The following FANCC variants were observed in gnomAD, a reference collection of about 807,000 sequenced individuals.
FANCC encodes Fanconi anemia group C protein.
In FANCC, 55 loss-of-function variants were observed where a neutral mutation model predicts 71.3. The ratio of observed to expected loss-of-function variants is 0.77; its 90% CI spans 0.62 to 0.97. The LOEUF (loss-of-function observed/expected upper bound fraction) is 0.97, where lower values mean the gene tolerates loss of function less well. FANCC is among the 50% of genes least tolerant of loss of function. The pLI, the probability that FANCC is intolerant of heterozygous loss-of-function variation, is 0.00. For synonymous variants in FANCC, 275 were observed against 244.9 expected (o/e 1.12, Z -1.15); for missense variants, 678 against 670.9 (o/e 1.01, Z -0.12).
chr9:95,110,452 G>GAA, intron 13 of FANCC: 1 of 1,028,082 alleles, frequency 9.7e-7, no homozygotes, highest in Non-Finnish European at 1.2e-6. Flanking sequence ...TTTTAAAGGG[G>GAA]AAGAAATAAA....
intron 1 of FANCC, among the ~76,000 whole-genome samples, chr9:95,289,048 C>G (rs1833856811): frequency 6.6e-6 from 1 of 152,060 alleles, no homozygotes; most frequent in South Asian, 2.1e-4. Flanking sequence ...CTGCAATGAG[C>G]TACGGATCAT....
At chr9:95,188,764 C>T (rs1826893531) in intron 4 of FANCC, among the ~76,000 whole-genome samples, 1 of 152,124 alleles carries the variant, frequency 6.6e-6, no homozygotes, top group African/African-American at 2.4e-5. Flanking sequence ...ATGTCCACTC[C>T]TCCCGAACCC....
chr9:95,188,874 C>CA (rs2135724498), intron 4 of FANCC, among the ~76,000 whole-genome samples: 2 of 152,266 alleles, frequency 1.3e-5, no homozygotes, highest in South Asian at 4.1e-4. Flanking sequence ...TCTGCATACT[C>CA]AAACTTACAG....
Position 95,216,956 on chromosome 9 carries a change from G to A in FANCC, c.345+23693C>T, listed in dbSNP as rs1017806315. 7.9e-5 allele frequency among the ~76,000 whole-genome samples: 12 copies of A among 152,132 alleles called. No individual in the cohort carries two copies. In the South Asian group the frequency reaches 1.9e-3, roughly 24 times the overall value. On this transcript the variant is annotated intron_variant, in intron 4 of 14. Transcript: ENST00000289081. ...AAATCTCAGACCGGCCACAGTCTTC[G>A]ATAATTATCAACCATCTTAACCCAA...
chr9:95,103,451 CCAG>C (rs1002513744), intron 14 of FANCC, among the ~76,000 whole-genome samples: 3 of 152,180 alleles, frequency 2.0e-5, no homozygotes, highest in Non-Finnish European at 4.4e-5. Flanking sequence ...TTGCTGTGGC[CCAG>C]CAGCAGGAGG....
chr9:95,160,879 G>A (rs1431669165), intron 6 of FANCC, among the ~76,000 whole-genome samples: 1 of 152,164 alleles, frequency 6.6e-6, no homozygotes, highest in African/African-American at 2.4e-5. Context: ...CACTGATTTT[G>A]TATCCTGAGA....
At chr9:95,163,913 T>A (rs1450198784) in intron 6 of FANCC, among the ~76,000 whole-genome samples, 1 of 152,208 alleles carries the variant, frequency 6.6e-6, no homozygotes, top group Non-Finnish European at 1.5e-5. Context: ...ACATGGGATA[T>A]CTTTTTATTT....
intron 1 of FANCC, among the ~76,000 whole-genome samples, chr9:95,250,319 A>C (rs186202884): frequency 6.6e-6 from 1 of 152,352 alleles, no homozygotes; most frequent in East Asian, 1.9e-4. Flanking sequence ...GTGGTAAATA[A>C]AGTGAGTTTA....
intron 13 of FANCC, 37 bp from the exon 14 acceptor site, chr9:95,107,306 G>A (rs1263555302): frequency 1.9e-6 from 3 of 1,598,098 alleles, no homozygotes; most frequent in African/African-American, 2.7e-5. Context: ...AGGTTAGGAA[G>A]AGGCAGGACA....
rs559317873 is a variant in FANCC, at chr9:95,152,730, T to A, written c.522-2643A>T. 5.3e-5 allele frequency among the ~76,000 whole-genome samples: 8 copies of A among 152,294 alleles called. No homozygotes were observed. The East Asian group carries it at 1.5e-3, about 29-fold the overall frequency. On this transcript the variant is annotated intron_variant, in intron 6 of 14. Coordinates refer to ENST00000289081, the MANE Select transcript of FANCC (RefSeq NM_000136.3). ...TGGTAAATTCTGAGATTTTAATGCA[T>A]CCATCACCCGAGTAGACTGCACCTA...
chr9:95,293,538 G>T (rs1328293385), intron 1 of FANCC: 1 of 1,609,348 alleles, frequency 6.2e-7, no homozygotes, highest in East Asian at 2.2e-5. Flanking sequence ...ACAAGAACTA[G>T]GGAACACATG....
At chr9:95,216,941 C>T (rs763865295) in intron 4 of FANCC, among the ~76,000 whole-genome samples, 5 of 152,172 alleles carry the variant, frequency 3.3e-5, no homozygotes, top group Non-Finnish European at 7.3e-5. Flanking sequence ...AAATCTCAGA[C>T]CGGCCACAGT....
chr9:95,165,497 C>A (rs927477113), intron 6 of FANCC, among the ~76,000 whole-genome samples: 1 of 151,866 alleles, frequency 6.6e-6, no homozygotes, highest in African/African-American at 2.4e-5. Context: ...TTTTCATTTT[C>A]ATTTGTCTCA....
chr9:95,227,675 C>G (rs548300497), intron 4 of FANCC, among the ~76,000 whole-genome samples: 1 of 152,304 alleles, frequency 6.6e-6, no homozygotes, highest in African/African-American at 2.4e-5. Context: ...CCCCAGCCCC[C>G]ATTTAAACCC....
intron 1 of FANCC, among the ~76,000 whole-genome samples, chr9:95,295,006 T>C (rs1834283860): frequency 6.6e-6 from 1 of 152,140 alleles, no homozygotes; most frequent in African/African-American, 2.4e-5. Context: ...AAGTTTGAGA[T>C]GTTGATCTAA....
In FANCC at chr9:95,207,368, CAAG is replaced by C. The variant is rs553665193; in HGVS notation, c.345+33278_345+33280del. On this transcript the variant is annotated intron_variant, in intron 4 of 14. Coordinates refer to ENST00000289081, the MANE Select transcript of FANCC (RefSeq NM_000136.3). ...ACTTCCATCTCTGTAGTGCTCCTGCCAAGAAGAAACCTTTCATCTGGAGGACAG... is the reference window on the plus strand; with the variant it reads ...ACTTCCATCTCTGTAGTGCTCCTGCCAAGAAACCTTTCATCTGGAGGACAG... Among the ~76,000 whole-genome samples, 1,021 of 152,268 alleles carry C rather than the reference CAAG, an allele frequency of 6.7e-3. 5 individuals carry two copies. The highest frequency in any genetic ancestry group is 0.011 in the Non-Finnish European group (752 of 68,014).
intron 4 of FANCC, among the ~76,000 whole-genome samples, chr9:95,239,150 C>T (rs1588334733): frequency 6.6e-6 from 1 of 152,250 alleles, no homozygotes; most frequent in East Asian, 1.9e-4. Flanking sequence ...CGTCACCTGC[C>T]CCAGGAAATG....
chr9:95,291,967 A>AAAAAAATATATAT (rs1441757988), intron 1 of FANCC, among the ~76,000 whole-genome samples: 2 of 50,410 alleles, frequency 4.0e-5, no homozygotes, highest in African/African-American at 1.6e-4. Context: ...AAAAAAAAAA[A>AAAAAAATATATAT]ATATATATAT....
At chr9:95,179,899 CT>C (rs1826234991) in intron 4 of FANCC, among the ~76,000 whole-genome samples, 1 of 152,290 alleles carries the variant, frequency 6.6e-6, no homozygotes, top group East Asian at 1.9e-4. Context: ...TAATAAAACA[CT>C]TGTCTAAAAA....
Sources: gnomAD v4.1 joint callset for allele counts (sites outside exome capture counted in the v4.1 genomes callset) on GRCh38, gnomAD v4.1.1 for gene constraint, MANE v1.5 for transcripts, NCBI Gene and HGNC (gene_info 2026-07-23, HGNC 2026-07-21) for gene names.